Variants in ARFIP1 observed in about 807,000 individuals in gnomAD.
ARFIP1 encodes the protein ARF interacting protein 1.
In ARFIP1, 24 loss-of-function variants were observed where a neutral mutation model predicts 42.5. The observed-to-expected ratio is 0.57, with a 90% CI of 0.41 to 0.80. The LOEUF (loss-of-function observed/expected upper bound fraction) is 0.80, where lower values mean the gene tolerates loss of function less well. Ranked by LOEUF, ARFIP1 falls within the 30% of genes least tolerant of loss-of-function variation. The probability of loss-of-function intolerance (pLI) is 0.00; values close to 1 mark genes in which losing one functional copy is unlikely to be tolerated. For synonymous variants in ARFIP1, 141 were observed against 153.7 expected (o/e 0.92, Z 0.61); for missense variants, 354 against 434.0 (o/e 0.82, Z 1.64).
chr4:152,812,047 T>C (rs904001957), intron 1 of ARFIP1, among the ~76,000 whole-genome samples: 1 of 152,266 alleles, frequency 6.6e-6, no homozygotes, highest in African/African-American at 2.4e-5. Flanking sequence ...ATCATTGTCT[T>C]TCTGATTTTC....
Position 152,899,853 on chromosome 4 carries a change from T to C in ARFIP1, c.967-10211T>C, listed in dbSNP as rs567457104. 2.0e-5 allele frequency among the ~76,000 whole-genome samples: 3 copies of C among 152,268 alleles called. No individual in the cohort carries two copies. In the East Asian group the frequency reaches 5.8e-4, roughly 29 times the overall value. On this transcript the variant is annotated intron_variant, in intron 8 of 8. Transcript: ENST00000353617. ...ATAATACCTATATCTGTATAATATG[T>C]GATCTAGATGATTATATACCAGTGC...
intron 7 of ARFIP1, among the ~76,000 whole-genome samples, chr4:152,885,126 A>C (rs1254374658): frequency 6.6e-6 from 1 of 152,080 alleles, no homozygotes; most frequent in Non-Finnish European, 1.5e-5. Flanking sequence ...AGTTGTTAAC[A>C]CTAAAACCTT....
At chr4:152,857,388 A>G (rs964640424) in intron 2 of ARFIP1, among the ~76,000 whole-genome samples, 3 of 152,224 alleles carry the variant, frequency 2.0e-5, no homozygotes, top group African/African-American at 4.8e-5. Context: ...TAAATTGCCT[A>G]TGGCTGCTTA....
chr4:152,863,610 T>G lies in ARFIP1; in HGVS notation c.98T>G (p.Leu33Trp), dbSNP rs1437956049. The G allele has an allele frequency of 5.1e-6, 8 of 1,577,480 alleles. No individual in the cohort carries two copies. The highest frequency in any genetic ancestry group is 5.2e-6 in the Non-Finnish European group (6 of 1,148,614). ...TTTTATTTAAATCTTGCTAAGGATTTGAAGCATTCATTACCATCTGGACTT... is the reference window on the plus strand; with the variant it reads ...TTTTATTTAAATCTTGCTAAGGATTGGAAGCATTCATTACCATCTGGACTT... Reference protein sequence around the residue: ...DSREHSFNRDLKHSLPSGLGL... With the variant: ...DSREHSFNRDWKHSLPSGLGL... Residue 33 changes from leucine to tryptophan, a missense_variant, in exon 3 of 9, where the codon TTG becomes TGG. By Grantham distance (61) the Leu-to-Trp change is moderately conservative (BLOSUM62 -2). Coordinates refer to ENST00000353617, the MANE Select transcript of ARFIP1 (RefSeq NM_001025595.3).
intron 1 of ARFIP1, among the ~76,000 whole-genome samples, chr4:152,789,570 G>A (rs1292364163): frequency 6.6e-6 from 1 of 152,142 alleles, no homozygotes; most frequent in Non-Finnish European, 1.5e-5. Context: ...GGGGAATTAT[G>A]CTTTACCTCT....
At chr4:152,846,992 A>C (rs531086863) in intron 2 of ARFIP1, among the ~76,000 whole-genome samples, 1 of 151,118 alleles carries the variant, frequency 6.6e-6, no homozygotes, top group South Asian at 2.1e-4. Context: ...TTCCTTTCTT[A>C]GTCTGTCCTA....
chr4:152,821,033 T>C (rs1203456144), intron 1 of ARFIP1, among the ~76,000 whole-genome samples: 2 of 152,116 alleles, frequency 1.3e-5, no homozygotes, highest in South Asian at 2.1e-4. Context: ...AGAAATAGTC[T>C]GCTCACATGA....
intron 2 of ARFIP1, among the ~76,000 whole-genome samples, chr4:152,842,120 CCAAT>C (rs897423502): frequency 6.6e-5 from 10 of 152,198 alleles, no homozygotes; most frequent in African/African-American, 2.4e-4. Context: ...TCACACCCAA[CCAAT>C]CAGATAGTAA....
At chr4:152,824,335 T>C (rs1427580319) in intron 1 of ARFIP1, among the ~76,000 whole-genome samples, 3 of 149,492 alleles carry the variant, frequency 2.0e-5, no homozygotes, top group Non-Finnish European at 4.5e-5. Context: ...AGTAAAAAGG[T>C]AATTCTCCAT....
At chr4:152,878,572 G>A (rs1445702155) in intron 5 of ARFIP1, among the ~76,000 whole-genome samples, 3 of 152,084 alleles carry the variant, frequency 2.0e-5, no homozygotes, top group Non-Finnish European at 2.9e-5. Flanking sequence ...TATCAGATTG[G>A]AATATATGTG....
chr4:152,819,335 A>T (rs1355915949), intron 1 of ARFIP1, among the ~76,000 whole-genome samples: 1 of 152,166 alleles, frequency 6.6e-6, no homozygotes, highest in Non-Finnish European at 1.5e-5. Context: ...CAGTCTGTTC[A>T]TGTACCCAGT....
intron 5 of ARFIP1, among the ~76,000 whole-genome samples, chr4:152,875,260 CTTAT>C (rs1232891926): frequency 6.7e-6 from 1 of 148,606 alleles, no homozygotes; most frequent in Non-Finnish European, 1.5e-5. Flanking sequence ...AATCTATTTT[CTTAT>C]TTATTTTCAT....
intron 7 of ARFIP1, 58 bp from the exon 8 acceptor site, chr4:152,888,075 T>C: frequency 7.0e-7 from 1 of 1,425,810 alleles, no homozygotes; most frequent in Non-Finnish European, 9.5e-7. Flanking sequence ...TTCCAACCCA[T>C]TTTTTGAACA....
At chr4:152,802,658 A>G (rs1728517086) in intron 1 of ARFIP1, among the ~76,000 whole-genome samples, 1 of 152,210 alleles carries the variant, frequency 6.6e-6, no homozygotes, top group African/African-American at 2.4e-5. Flanking sequence ...AGTTCCACAA[A>G]TCTAACCAAG....
chr4:152,803,794 G>A (rs1455996106), intron 1 of ARFIP1, among the ~76,000 whole-genome samples: 1 of 151,542 alleles, frequency 6.6e-6, no homozygotes, highest in Non-Finnish European at 1.5e-5. Flanking sequence ...TATAAATGGA[G>A]GTTAATGCAT....
At chr4:152,865,598 T>G (rs1167743893) in intron 3 of ARFIP1, among the ~76,000 whole-genome samples, 3 of 152,334 alleles carry the variant, frequency 2.0e-5, no homozygotes, top group South Asian at 2.1e-4. Flanking sequence ...GACTGTCTAC[T>G]GACATCATTT....
intron 7 of ARFIP1, among the ~76,000 whole-genome samples, chr4:152,885,341 C>T (rs1736174540): frequency 6.6e-6 from 1 of 152,076 alleles, no homozygotes; most frequent in East Asian, 1.9e-4. Context: ...ATTTCCTAGC[C>T]CTCTGGTGCT....
intron 1 of ARFIP1, among the ~76,000 whole-genome samples, chr4:152,786,149 G>T (rs1227365429): frequency 6.6e-6 from 1 of 152,118 alleles, no homozygotes; most frequent in Admixed American, 6.5e-5. Flanking sequence ...ATTTTTCTTG[G>T]ATATTTGGGG....
intron 2 of ARFIP1, among the ~76,000 whole-genome samples, chr4:152,849,674 GGT>G (rs762446130): frequency 7.0e-4 from 107 of 152,082 alleles, no homozygotes; most frequent in African/African-American, 2.5e-3. Context: ...GTGGCAGGCA[GGT>G]GTGTGTGTGT....
Sources: gnomAD v4.1 joint callset for allele counts (sites outside exome capture counted in the v4.1 genomes callset) on GRCh38, gnomAD v4.1.1 for gene constraint, MANE v1.5 for transcripts, NCBI Gene and HGNC (gene_info 2026-07-23, HGNC 2026-07-21) for gene names.